STK32B: variants seen among roughly 807,000 people sequenced by gnomAD.
STK32B encodes serine/threonine-protein kinase 32B.
STK32B carries 43 observed loss-of-function variants against 52.6 expected under a neutral mutation model. The ratio of observed to expected loss-of-function variants is 0.82; its 90% CI spans 0.64 to 1.05. STK32B has a LOEUF of 1.05. Ranked by LOEUF, STK32B falls within the 50% of genes least tolerant of loss-of-function variation. The pLI, the probability that STK32B is intolerant of heterozygous loss-of-function variation, is 0.00. For missense variants in STK32B, 621 were observed against 534.6 expected (o/e 1.16, Z -1.59); for synonymous variants, 238 against 204.3 (o/e 1.17, Z -1.41).
rs531972941 is a variant in STK32B at position 5,216,182 on chromosome 4, G to T, written c.260+47732G>T. Reference sequence around the variant, plus strand: ...CGCACCTCAGAGTTCCTGATTTAGTGGATCTGGGTTTGGAACTAGCGGACT... The same window carrying T: ...CGCACCTCAGAGTTCCTGATTTAGTTGATCTGGGTTTGGAACTAGCGGACT... On this transcript the variant is annotated intron_variant, in intron 3 of 11. Coordinates refer to ENST00000282908, the MANE Select transcript of STK32B (RefSeq NM_018401.3). Among the ~76,000 whole-genome samples, 26 of 152,250 alleles carry T rather than the reference G, an allele frequency of 1.7e-4. 1 individual carries two copies. The South Asian group carries it at 5.0e-3, about 29-fold the overall frequency.
chr4:5,269,971 G>A (rs1001020530), intron 3 of STK32B, among the ~76,000 whole-genome samples: 1 of 152,160 alleles, frequency 6.6e-6, no homozygotes, highest in African/African-American at 2.4e-5. Flanking sequence ...CACAGTCAGT[G>A]TAATTCAGTA....
intron 3 of STK32B, among the ~76,000 whole-genome samples, chr4:5,211,523 G>GTTT (rs4017883): frequency 0.35 from 53,448 of 151,804 alleles, 9,892 homozygotes; most frequent in East Asian, 0.47. Flanking sequence ...GAGGACCAGG[G>GTTT]GGAAAGCACT....
intron 3 of STK32B, among the ~76,000 whole-genome samples, chr4:5,315,566 A>G (rs1730616392): frequency 6.6e-6 from 1 of 152,194 alleles, no homozygotes; most frequent in Non-Finnish European, 1.5e-5. Flanking sequence ...AAAAGTAAAA[A>G]GAAATAAGGA....
intron 3 of STK32B, among the ~76,000 whole-genome samples, chr4:5,175,034 G>A (rs111390313): frequency 0.014 from 2,153 of 151,928 alleles, 44 homozygotes; most frequent in African/African-American, 0.044. Context: ...TTCCCTTCTC[G>A]CTTCATTTCA....
intron 1 of STK32B, among the ~76,000 whole-genome samples, chr4:5,098,309 A>G (rs561705320): frequency 1.3e-5 from 2 of 152,306 alleles, no homozygotes; most frequent in East Asian, 1.9e-4. Context: ...TGGGCTCTAT[A>G]TGTATTATTC....
Position 5,058,035 on chromosome 4 carries a change from C to T in STK32B, c.52+6120C>T, listed in dbSNP as rs1374102333. Among the ~76,000 whole-genome samples the T allele has an allele frequency of 1.3e-5, 2 of 152,184 alleles. No individual in the cohort carries two copies. The highest frequency in any genetic ancestry group is 2.9e-5 in the Non-Finnish European group (2 of 68,046). ...CAACCAAGGAAAAGATGGATGTCAACGTTGTTAGCAATCCTGGAGTCTTCT... is the reference window on the plus strand; with the variant it reads ...CAACCAAGGAAAAGATGGATGTCAATGTTGTTAGCAATCCTGGAGTCTTCT... On this transcript the variant is annotated intron_variant, in intron 1 of 11. Transcript: ENST00000282908. The surrounding 1 kb of genome is among the most constrained non-coding windows in gnomAD (Gnocchi z 4.8).
At chr4:5,468,162 G>C in intron 11 of STK32B, 92 bp downstream of exon 11, 1 of 1,337,308 alleles carries the variant, frequency 7.5e-7, no homozygotes, top group Non-Finnish European at 1.1e-6. Flanking sequence ...CCCCCAAACC[G>C]GCCTTGACGA....
Position 5,265,424 on chromosome 4 carries a change from C to G in STK32B, c.261-65796C>G, listed in dbSNP as rs573014054. On this transcript the variant is annotated intron_variant, in intron 3 of 11. Coordinates refer to ENST00000282908, the MANE Select transcript of STK32B (RefSeq NM_018401.3). Reference sequence around the variant, plus strand: ...TGCCCACATGGAATAAGACTTGGCTCAAATATTGACTACGCCCCGAAGCTT... The same window carrying G: ...TGCCCACATGGAATAAGACTTGGCTGAAATATTGACTACGCCCCGAAGCTT... Among the ~76,000 whole-genome samples the G allele has an allele frequency of 2.6e-5, 4 of 152,314 alleles. No homozygotes were observed. The South Asian group carries it at 8.3e-4, about 32-fold the overall frequency.
intron 3 of STK32B, among the ~76,000 whole-genome samples, chr4:5,317,199 A>G (rs1280326127): frequency 1.8e-5 from 1 of 56,704 alleles, no homozygotes; most frequent in Non-Finnish European, 2.6e-5. Flanking sequence ...TAACATATAT[A>G]TATTATATAT....
At chr4:5,050,699 C>T (rs188962423), upstream of STK32B, among the ~76,000 whole-genome samples, 1 of 152,296 alleles carries the variant, frequency 6.6e-6, no homozygotes, top group East Asian at 1.9e-4. Context: ...CCTGCCTGTC[C>T]CTCAGGGAGC....
chr4:5,492,056 A>C (rs928769724), intron 11 of STK32B, among the ~76,000 whole-genome samples: 2 of 152,138 alleles, frequency 1.3e-5, no homozygotes, highest in African/African-American at 4.8e-5. Context: ...TGACTTGGCA[A>C]TGCGGGCTCT....
In STK32B at chr4:5,431,006, A is replaced by G. The variant is rs145961047; in HGVS notation, c.562+14072A>G. Among the ~76,000 whole-genome samples the G allele has an allele frequency of 4.0e-3, 608 of 152,164 alleles. 1 individual carries two copies. Among genetic ancestry groups the G allele is most frequent in the African/African-American group, 0.014 (572 of 41,512 alleles). ...AAATGTTTTCTGCTGCTTTGGTTCA[A>G]CCTGTCTTAGGTAGGCTCTGTGTCA... On this transcript the variant is annotated intron_variant, in intron 6 of 11. Coordinates refer to ENST00000282908, the MANE Select transcript of STK32B (RefSeq NM_018401.3).
Position 5,317,472 on chromosome 4 carries a change from TATATATATTACATATATATA to T in STK32B, c.261-13737_261-13718del, listed in dbSNP as rs1235546594. On this transcript the variant is annotated intron_variant, in intron 3 of 11. Transcript: ENST00000282908. Reference sequence around the variant, plus strand: ...TAATATATATAATATATATGTATAATATATATATTACATATATATAATATATATTATATATGTATAATATA... The same window carrying T: ...TAATATATATAATATATATGTATAATATATATATTATATATGTATAATATA... Among the ~76,000 whole-genome samples the T allele has an allele frequency of 2.1e-3, 222 of 104,000 alleles. 42 individuals carry two copies. The highest frequency in any genetic ancestry group is 0.011 in the African/African-American group (212 of 19,672). 68.2% of individuals were successfully genotyped at this position (104,000 alleles called of 152,430 possible). A position where few individuals can be genotyped will look rare whatever the true frequency, so the allele number is the denominator to read the frequency against.
intron 11 of STK32B, among the ~76,000 whole-genome samples, chr4:5,481,812 G>C (rs1424831279): frequency 6.6e-6 from 1 of 152,164 alleles, no homozygotes; most frequent in Non-Finnish European, 1.5e-5. Context: ...TGGCTAGCCA[G>C]TTTTCCCAGC....
chr4:5,341,344 G>T, intron 4 of STK32B, among the ~76,000 whole-genome samples: 1 of 152,168 alleles, frequency 6.6e-6, no homozygotes, highest in East Asian at 1.9e-4. Flanking sequence ...CTCCCCAGAT[G>T]CAAAAGCAAA....
At chr4:5,141,112 A>G (rs1285171176) in intron 2 of STK32B, among the ~76,000 whole-genome samples, 2 of 152,226 alleles carry the variant, frequency 1.3e-5, no homozygotes, top group Non-Finnish European at 2.9e-5. Flanking sequence ...ACATTAAGTA[A>G]AATGGTAACA....
intron 3 of STK32B, among the ~76,000 whole-genome samples, chr4:5,202,636 T>G (rs116738073): frequency 3.6e-4 from 55 of 152,346 alleles, no homozygotes; most frequent in African/African-American, 1.2e-3. Flanking sequence ...CCATACATCC[T>G]CTGAAATCTA....
chr4:5,383,114 G>GT (rs1221139097), intron 4 of STK32B, among the ~76,000 whole-genome samples: 1 of 152,194 alleles, frequency 6.6e-6, no homozygotes, highest in African/African-American at 2.4e-5. Flanking sequence ...GAAATCTCTG[G>GT]TTTTGTGGGG....
chr4:5,112,914 A>G (rs1472544490), intron 1 of STK32B, among the ~76,000 whole-genome samples: 2 of 152,206 alleles, frequency 1.3e-5, no homozygotes, highest in Admixed American at 6.5e-5. Flanking sequence ...ATTATTGAAT[A>G]CTGACACTGT....
Sources: allele counts gnomAD v4.1 joint callset (sites outside exome capture counted in the v4.1 genomes callset), GRCh38; gene constraint gnomAD v4.1.1; non-coding constraint Gnocchi (gnomAD v3.1); transcripts MANE v1.5; gene names NCBI Gene and HGNC (gene_info 2026-07-23, HGNC 2026-07-21).